The following ITGA7 variants were observed in gnomAD, a reference collection of about 807,000 sequenced individuals.
The protein encoded by ITGA7 is integrin subunit alpha 7, also known as integrin alpha-7.
Under a neutral mutation model 131.6 loss-of-function variants are expected in ITGA7, and 84 were observed. The ratio of observed to expected loss-of-function variants is 0.64; its 90% CI spans 0.54 to 0.77. The LOEUF (loss-of-function observed/expected upper bound fraction) is 0.77. Among genes scored for constraint, ITGA7 ranks in the 30% least tolerant of loss-of-function variants. The pLI, the probability that ITGA7 is intolerant of heterozygous loss-of-function variation, is 0.00. For missense variants in ITGA7, 1,399 were observed against 1,482.9 expected (o/e 0.94, Z 0.93); for synonymous variants, 548 against 600.7 (o/e 0.91, Z 1.28).
Position 55,693,263 on chromosome 12 carries a change from T to C in ITGA7, c.2590A>G (p.Met864Val). The C allele has an allele frequency of 1.2e-6, 2 of 1,613,744 alleles. No individual in the cohort carries two copies. The highest frequency in any genetic ancestry group is 1.7e-6 in the Non-Finnish European group (2 of 1,179,950). The change falls in exon 20 of 25, where the codon ATG (methionine) becomes GTG (valine). Residue 864 changes from methionine (M) to valine (V), a missense_variant. By Grantham distance (21) the Met-to-Val change is conservative. Transcript: ENST00000257879. Reference sequence around the variant, plus strand: ...CCATTGGCAATCTCATGAGGCCACATGATGTTGAGGAAGGCAGAGCCCAGG... The same window carrying C: ...CCATTGGCAATCTCATGAGGCCACACGATGTTGAGGAAGGCAGAGCCCAGG... ...RTLGSAFLNI[M>V]WPHEIANGKW...
rs1047052636 is a variant in ITGA7, at chr12:55,698,936, A to G, written c.791-19T>C. 40 of 1,585,436 alleles carry G rather than the reference A, an allele frequency of 2.5e-5. No individual in the cohort carries two copies. The South Asian group carries it at 4.2e-4, about 17-fold the overall frequency. On this transcript the variant is annotated intron_variant, in intron 5 of 24. Transcript: ENST00000257879. ...GAGAAGCCTGGGGGAAGGGTGACTT[A>G]CCCCTAAGTCTTCACCCCAAGACTC...
At position 55,701,010 on chromosome 12, in the gene ITGA7, G is replaced by A. The variant is rs751199308; in HGVS notation, c.559C>T (p.Arg187Cys). Residue 187 changes from arginine (R) to cysteine (C), a missense_variant, in exon 4 of 25, where the codon CGC becomes TGC. Physicochemically the swap from Arg to Cys is radical, Grantham distance 180. Transcript: ENST00000257879. ...DGGEWKFCEG[R>C]PQGHEQFGFC... ...CCAAATTGTTCATGGCCTTGGGGGC[G>A]TCCCTCACAGAACTTCCATTCCCCA... The A allele has an allele frequency of 6.8e-6, 11 of 1,614,084 alleles. No homozygotes were observed. The highest frequency in any genetic ancestry group is 3.3e-5 in the Admixed American group (2 of 60,006).
At chr12:55,696,472 C>A in intron 12 of ITGA7, 40 bp from the exon 13 acceptor site, 1 of 1,574,428 alleles carries the variant, frequency 6.4e-7, no homozygotes, top group African/African-American at 1.3e-5. Context: ...GAACAATCCC[C>A]AGGCCTCAGC....
intron 3 of ITGA7, chr12:55,701,412 A>G: frequency 6.4e-7 from 1 of 1,551,678 alleles, no homozygotes; most frequent in South Asian, 1.2e-5. Flanking sequence ...TCCTTGTTCC[A>G]CATTCTGCCT....
At chr12:55,700,253 G>A (rs1331151195) in intron 4 of ITGA7, 1 of 1,598,664 alleles carries the variant, frequency 6.3e-7, no homozygotes, top group East Asian at 2.2e-5. Context: ...GCCGGGGAGA[G>A]GTCCCTACCA....
intron 24 of ITGA7, among the ~76,000 whole-genome samples, chr12:55,685,958 G>A (rs1029178636): frequency 3.4e-4 from 51 of 152,128 alleles, no homozygotes; most frequent in African/African-American, 1.1e-3. Context: ...GCATGCATGC[G>A]ACCTCCCCAC....
intron 19 of ITGA7, 106 bp from the exon 20 acceptor site, chr12:55,693,423 C>T: frequency 9.7e-7 from 1 of 1,029,862 alleles, no homozygotes; most frequent in Non-Finnish European, 1.4e-6. Context: ...TTGTCTCTAA[C>T]TCCTGGGCTC....
chr12:55,686,732 G>A (rs548512534), intron 24 of ITGA7, among the ~76,000 whole-genome samples: 1 of 152,336 alleles, frequency 6.6e-6, no homozygotes, highest in East Asian at 1.9e-4. Context: ...CTGGATACCA[G>A]TATGATTCGG....
At chr12:55,695,823 A>G (rs1275400820) in intron 13 of ITGA7, among the ~76,000 whole-genome samples, 186 bp from the exon 14 acceptor site, 1 of 151,892 alleles carries the variant, frequency 6.6e-6, no homozygotes. Context: ...TCATCATGGT[A>G]GTGATGGGAG....
intron 19 of ITGA7, 31 bp from the exon 20 acceptor site, chr12:55,693,348 ACCT>A: frequency 6.6e-7 from 1 of 1,517,486 alleles, no homozygotes; most frequent in Non-Finnish European, 9.0e-7. Context: ...GAGGGGAGAG[ACCT>A]CAGTTTTTCT....
In ITGA7 at chr12:55,697,077, T is replaced by C. The variant is rs761067098; in HGVS notation, c.1568-9A>G. Reference sequence around the variant, plus strand: ...TAACACATAGTCCAGGGCTGTGGCATGTTGGGAAAGGAGGAGCTGCTGAGC... The same window carrying C: ...TAACACATAGTCCAGGGCTGTGGCACGTTGGGAAAGGAGGAGCTGCTGAGC... On this transcript the variant is annotated splice_polypyrimidine_tract_variant and intron_variant, in intron 11 of 24. Coordinates refer to ENST00000257879, the MANE Select transcript of ITGA7 (RefSeq NM_002206.3). 77 of 1,612,884 alleles carry C rather than the reference T, an allele frequency of 4.8e-5. No homozygotes were observed. Among genetic ancestry groups the C allele is most frequent in the Non-Finnish European group, 4.7e-5 (55 of 1,179,484 alleles).
upstream of ITGA7, chr12:55,707,974 G>C (rs901830670): frequency 3.1e-6 from 4 of 1,296,458 alleles, no homozygotes; most frequent in Non-Finnish European, 3.9e-6. Flanking sequence ...TCGCTCCCGC[G>C]GCAGGTGGAG....
In ITGA7 at chr12:55,699,987, A is replaced by G; in HGVS notation, c.673T>C (p.Leu225=). The change falls in exon 5 of 25, where the codon TTG becomes CTG. Residue 225 remains leucine, a splice_region_variant and synonymous_variant. Coordinates refer to ENST00000257879, the MANE Select transcript of ITGA7 (RefSeq NM_002206.3). The part of the protein sequence containing the change: ...GAPGTYNWKG[L]LFVTNIDSSD... ...CTATCAATGTTGGTCACAAAAAGCAACCCTGTGGGGGGTGGGGTGAGACAC... is the reference window on the plus strand; with the variant it reads ...CTATCAATGTTGGTCACAAAAAGCAGCCCTGTGGGGGGTGGGGTGAGACAC... The G allele has an allele frequency of 1.2e-6, 2 of 1,613,948 alleles. No homozygotes were observed. Among genetic ancestry groups the G allele is most frequent in the Non-Finnish European group, 1.7e-6 (2 of 1,179,996 alleles).
rs1401411562 is a variant in ITGA7 at position 55,696,346 on chromosome 12, G to A, written c.1824C>T (p.Gly608=). The change falls in exon 13 of 25, where the codon GGC becomes GGT. Residue 608 remains glycine, a synonymous_variant. Coordinates refer to ENST00000257879, the MANE Select transcript of ITGA7 (RefSeq NM_002206.3). Reference sequence around the variant, plus strand: ...TGGGGGCCACTGGAGGCAGCCCCTGGCCAGGAGCCTGTCGCCGGAGCCGAG... The same window carrying A: ...TGGGGGCCACTGGAGGCAGCCCCTGACCAGGAGCCTGTCGCCGGAGCCGAG... ...QTPRLRRQAP[G]QGLPPVAPIL... The A allele has an allele frequency of 6.3e-7, 1 of 1,587,630 alleles. No individual in the cohort carries two copies. Among genetic ancestry groups the A allele is most frequent in the Non-Finnish European group, 8.6e-7 (1 of 1,165,922 alleles).
rs746233560 is a variant in ITGA7 at position 55,703,122 on chromosome 12, G to T, written c.263C>A (p.Thr88Asn). 1.9e-6 allele frequency: 3 copies of T among 1,613,712 alleles called. No homozygotes were observed. The highest frequency in any genetic ancestry group is 2.5e-6 in the Non-Finnish European group (3 of 1,180,028). The change falls in exon 2 of 25, where the codon ACT (threonine) becomes AAT (asparagine). Residue 88 changes from threonine (T) to asparagine (N), a missense_variant. Physicochemically the swap from Thr to Asn is moderately conservative, Grantham distance 65. Coordinates refer to ENST00000257879, the MANE Select transcript of ITGA7 (RefSeq NM_002206.3). Reference sequence around the variant, plus strand: ...CAACGGGCAAGCGAAGAGGCCTCCAGTGCGATTCGCCTGCTGCCCAGGAAG... The same window carrying T: ...CAACGGGCAAGCGAAGAGGCCTCCATTGCGATTCGCCTGCTGCCCAGGAAG... ...LALPGQQANRTGGLFACPLSL... is the reference protein window; with the variant it reads ...LALPGQQANRNGGLFACPLSL...
chr12:55,698,160 T>C, intron 7 of ITGA7, 134 bp from the exon 8 acceptor site: 1 of 917,816 alleles, frequency 1.1e-6, no homozygotes, highest in Non-Finnish European at 1.7e-6. Flanking sequence ...GCACTCTACA[T>C]ACATCATCTT....
Position 55,696,845 on chromosome 12 carries a change from A to C in ITGA7, c.1737+54T>G. ...AAAAAGCAGCTAAGAGGAATCAGGG[A>C]AAAGAGATGGAGCCATGAAAATGAC... On this transcript the variant is annotated intron_variant, in intron 12 of 24. Coordinates refer to ENST00000257879, the MANE Select transcript of ITGA7 (RefSeq NM_002206.3). The C allele has an allele frequency of 3.1e-6, 5 of 1,597,876 alleles. No homozygotes were observed. The South Asian group carries it at 5.5e-5, about 18-fold the overall frequency.
Position 55,699,925 on chromosome 12 carries a change from G to A in ITGA7, c.735C>T (p.Asp245=), listed in dbSNP as rs200184725. The change falls in exon 5 of 25, where the codon GAC becomes GAT. Residue 245 remains aspartate, a synonymous_variant. Coordinates refer to ENST00000257879, the MANE Select transcript of ITGA7 (RefSeq NM_002206.3). ...DPDQLVYKTL[D]PADRLPGPAG... Reference sequence around the variant, plus strand: ...CTGGTCCTGGGAGCCGGTCAGCAGGGTCCAAAGTTTTATACACCAGCTGGT... The same window carrying A: ...CTGGTCCTGGGAGCCGGTCAGCAGGATCCAAAGTTTTATACACCAGCTGGT... The A allele has an allele frequency of 1.9e-6, 3 of 1,613,984 alleles. No individual in the cohort carries two copies. The highest frequency in any genetic ancestry group is 2.2e-5 in the East Asian group (1 of 44,870).
At position 55,703,162 on chromosome 12, in the gene ITGA7, G is replaced by T; in HGVS notation, c.223C>A (p.Pro75Thr). The change falls in exon 2 of 25, where the codon CCC becomes ACC. Residue 75 changes from proline (P) to threonine (T), a missense_variant. Transcript: ENST00000257879. The part of the protein sequence containing the change: ...RPQSWLLVGA[P>T]QALALPGQQA... ...TGCCCAGGAAGAGCCAGGGCCTGGGGAGCACCCACCAGCAGCCTGCAAGAT... is the reference window on the plus strand; with the variant it reads ...TGCCCAGGAAGAGCCAGGGCCTGGGTAGCACCCACCAGCAGCCTGCAAGAT... 9 of 1,610,982 alleles carry T rather than the reference G, an allele frequency of 5.6e-6. No homozygotes were observed. The highest frequency in any genetic ancestry group is 7.6e-6 in the Non-Finnish European group (9 of 1,179,968).
Sources: gnomAD v4.1 joint callset for allele counts (sites outside exome capture counted in the v4.1 genomes callset) on GRCh38, gnomAD v4.1.1 for gene constraint, MANE v1.5 for transcripts, NCBI Gene and HGNC (gene_info 2026-07-23, HGNC 2026-07-21) for gene names.